The following ROBO2 variants were observed in gnomAD, a reference collection of about 807,000 sequenced individuals.
ROBO2 encodes roundabout homolog 2.
In ROBO2, 53 loss-of-function variants were observed where a neutral mutation model predicts 160.8. That is an observed-to-expected ratio of 0.33 (90% confidence interval 0.26 to 0.41). ROBO2 has a LOEUF of 0.41. Among genes scored for constraint, ROBO2 ranks in the 10% least tolerant of loss-of-function variants. ROBO2 has a pLI of 1.00. For missense variants in ROBO2, 1,577 were observed against 1,722.4 expected, an observed-to-expected ratio of 0.92 and a Z score of 1.49; for synonymous variants, 664 against 611.7, an observed-to-expected ratio of 1.09 and a Z score of -1.26.
intron 2 of ROBO2, among the ~76,000 whole-genome samples, chr3:76,928,609 A>G (rs1010253239): frequency 1.3e-5 from 2 of 152,054 alleles, no homozygotes; most frequent in Non-Finnish European, 2.9e-5. Context: ...AGTTCCTCCC[A>G]TATTGTCCGA....
intron 2 of ROBO2, among the ~76,000 whole-genome samples, chr3:76,946,507 A>G (rs2078552586): frequency 6.6e-6 from 1 of 151,964 alleles, no homozygotes; most frequent in Admixed American, 6.6e-5. Context: ...GTGCTATCTC[A>G]GCTCACTACA....
chr3:76,238,463 C>G (rs925283737), intron 2 of ROBO2, among the ~76,000 whole-genome samples: 3 of 152,108 alleles, frequency 2.0e-5, no homozygotes, highest in African/African-American at 7.2e-5. Context: ...ACCACCTCCC[C>G]CAAGGGCTTC....
chr3:77,251,614 G>T (rs562901269), intron 2 of ROBO2, among the ~76,000 whole-genome samples: 20 of 152,154 alleles, frequency 1.3e-4, no homozygotes, highest in African/African-American at 4.3e-4. Flanking sequence ...TGGATTTGTT[G>T]CGTCCCGACC....
intron 2 of ROBO2, among the ~76,000 whole-genome samples, chr3:76,225,302 CTTATG>C (rs755463934): frequency 1.6e-4 from 24 of 152,032 alleles, no homozygotes; most frequent in South Asian, 4.1e-4. Context: ...ATGTCAATGT[CTTATG>C]TTATAGCCCA....
chr3:76,479,778 G>A (rs2079114203), intron 2 of ROBO2, among the ~76,000 whole-genome samples: 1 of 152,184 alleles, frequency 6.6e-6, no homozygotes, highest in African/African-American at 2.4e-5. Flanking sequence ...GAGGAATTCA[G>A]TGACTTGCCC....
rs559962627 is a variant in ROBO2, at chr3:75,925,655, G to A, written c.-13-11826G>A. 1.0e-3 allele frequency among the ~76,000 whole-genome samples: 153 copies of A among 152,252 alleles called. 1 individual carries two copies. The highest frequency in any genetic ancestry group is 3.4e-3 in the African/African-American group (140 of 41,534). On this transcript the variant is annotated intron_variant, in intron 1 of 26. Transcript: ENST00000487694. ...TTTCAGTTGAAGACCAGAATATGAGGCAACTGGATACTCAATTATAATTCA... is the reference window on the plus strand; with the variant it reads ...TTTCAGTTGAAGACCAGAATATGAGACAACTGGATACTCAATTATAATTCA...
chr3:77,443,294 C>CT (rs540288460), intron 2 of ROBO2, among the ~76,000 whole-genome samples: 1,714 of 148,574 alleles, frequency 0.012, 29 homozygotes, highest in African/African-American at 0.036. Flanking sequence ...TTATTATTAT[C>CT]TTTTTTTTTT....
At chr3:76,376,408 C>A (rs3843874) in intron 2 of ROBO2, among the ~76,000 whole-genome samples, 1 of 151,854 alleles carries the variant, frequency 6.6e-6, no homozygotes, top group Non-Finnish European at 1.5e-5. Context: ...TTACCCAAGT[C>A]ATCTATTTGA....
chr3:76,293,999 G>A lies in ROBO2; in HGVS notation c.109+356397G>A, dbSNP rs909279236. Among the ~76,000 whole-genome samples the A allele has an allele frequency of 2.6e-5, 4 of 152,142 alleles. No homozygotes were observed. In the East Asian group the frequency reaches 5.8e-4, roughly 22 times the overall value. The stretch of plus-strand genomic sequence containing the variant: ...CTCGGTCCCCACTCAGCCTGTCTCC[G>A]ATGTTCATCGGCACCCAAAGTCCAG... On this transcript the variant is annotated intron_variant, in intron 2 of 26. Transcript: ENST00000487694.
chr3:76,911,223 G>T (rs1409937742), intron 2 of ROBO2, among the ~76,000 whole-genome samples: 1 of 152,126 alleles, frequency 6.6e-6, no homozygotes, highest in African/African-American at 2.4e-5. Context: ...CTGTCAATAA[G>T]TAGTATTGTA....
chr3:77,474,335 A>G (rs1185296580), intron 2 of ROBO2, among the ~76,000 whole-genome samples: 1 of 152,144 alleles, frequency 6.6e-6, no homozygotes, highest in Admixed American at 6.5e-5. Flanking sequence ...AAATTTGTGT[A>G]CCTTTTCTCC....
intron 2 of ROBO2, among the ~76,000 whole-genome samples, chr3:76,615,373 C>T (rs1476853551): frequency 7.9e-5 from 12 of 152,132 alleles, no homozygotes; most frequent in Non-Finnish European, 1.6e-4. Flanking sequence ...TCATGGAATT[C>T]ACTTGGGTAA....
intron 2 of ROBO2, among the ~76,000 whole-genome samples, chr3:76,844,014 A>G (rs1422770671): frequency 1.3e-5 from 2 of 151,940 alleles, no homozygotes; most frequent in Non-Finnish European, 2.9e-5. Flanking sequence ...TCTAAATTTA[A>G]TGTGTTTAGG....
rs1308248520 is a variant in ROBO2 at position 77,477,419 on chromosome 3, C to T, written c.394C>T (p.Arg132Ter). The T allele has an allele frequency of 1.3e-6, 2 of 1,599,570 alleles. No homozygotes were observed. The highest frequency in any genetic ancestry group is 1.7e-6 in the Non-Finnish European group (2 of 1,171,402). Residue 132 changes from arginine (R) to a stop codon, truncating the protein, a stop_gained, in exon 3 of 26, where the codon CGA becomes TGA. Transcript: ENST00000461745. LOFTEE classifies it high-confidence loss of function. ...CTGTAATTATTTTTCCTCAGTGTTACGAGATGACTTCCGACAAAACCCCAC... is the reference window on the plus strand; with the variant it reads ...CTGTAATTATTTTTCCTCAGTGTTATGAGATGACTTCCGACAAAACCCCAC...
At chr3:76,355,536 G>A (rs2075109157) in intron 2 of ROBO2, among the ~76,000 whole-genome samples, 1 of 151,716 alleles carries the variant, frequency 6.6e-6, no homozygotes, top group Non-Finnish European at 1.5e-5. Context: ...GTTCTTAACT[G>A]TTACATTCTG....
chr3:76,598,257 A>G (rs2086870089), intron 2 of ROBO2, among the ~76,000 whole-genome samples: 1 of 152,096 alleles, frequency 6.6e-6, no homozygotes, highest in African/African-American at 2.4e-5. Context: ...AGTGGTTGCC[A>G]GTGCTTAGGG....
At chr3:76,203,109 T>C (rs1702616397) in intron 2 of ROBO2, among the ~76,000 whole-genome samples, 1 of 152,148 alleles carries the variant, frequency 6.6e-6, no homozygotes, top group Admixed American at 6.5e-5. Context: ...GGCAAAAATT[T>C]AACTGATTGC....
chr3:76,240,295 G>C (rs541281495), intron 2 of ROBO2, among the ~76,000 whole-genome samples: 8 of 143,794 alleles, frequency 5.6e-5, no homozygotes, highest in Middle Eastern at 7.1e-3. Flanking sequence ...CCCACCCCCC[G>C]ACAGGCCCCA....
intron 2 of ROBO2, among the ~76,000 whole-genome samples, chr3:76,273,105 AC>A (rs1559707196): frequency 5.3e-3 from 148 of 27,706 alleles, no homozygotes; most frequent in African/African-American, 9.2e-3. Flanking sequence ...ACACACATAT[AC>A]ACACACACAT....
Sources: gnomAD v4.1 joint callset for allele counts (sites outside exome capture counted in the v4.1 genomes callset) on GRCh38, gnomAD v4.1.1 for gene constraint, MANE v1.5 for transcripts, NCBI Gene and HGNC (gene_info 2026-07-23, HGNC 2026-07-21) for gene names.